MAPKBP1: variants seen among roughly 807,000 people sequenced by gnomAD.
MAPKBP1 encodes the protein mitogen-activated protein kinase-binding protein 1.
In MAPKBP1, 71 loss-of-function variants were observed where a neutral mutation model predicts 170.5. The ratio of observed to expected loss-of-function variants is 0.42; its 90% confidence interval spans 0.34 to 0.51. The LOEUF is 0.51. Among genes scored for constraint, MAPKBP1 ranks in the 20% least tolerant of loss-of-function variants. The pLI, the probability that MAPKBP1 is intolerant of heterozygous loss-of-function variation, is 0.06. For missense variants in MAPKBP1, 1,598 were observed against 1,933.0 expected (o/e 0.83, Z 3.25); for synonymous variants, 719 against 757.9 (o/e 0.95, Z 0.84).
At chr15:41,792,836 G>A (rs760238906) in intron 2 of MAPKBP1, among the ~76,000 whole-genome samples, 1 of 152,098 alleles carries the variant, frequency 6.6e-6, no homozygotes, top group Non-Finnish European at 1.5e-5. Flanking sequence ...TTCTTCAAGC[G>A]ATCCTTGAGG....
intron 2 of MAPKBP1, among the ~76,000 whole-genome samples, chr15:41,796,551 C>T (rs1294094500): frequency 6.6e-6 from 1 of 152,128 alleles, no homozygotes; most frequent in Non-Finnish European, 1.5e-5. Context: ...AGCTGATGCC[C>T]CTGAATGTTT....
chr15:41,801,964 T>A (rs1054349521), intron 3 of MAPKBP1, among the ~76,000 whole-genome samples: 6 of 152,202 alleles, frequency 3.9e-5, no homozygotes, highest in Non-Finnish European at 7.3e-5. Context: ...GTTTCGTTGT[T>A]GAGTGAACAT....
Position 41,810,803 on chromosome 15 carries a change from C to T in MAPKBP1, c.207-80C>T, listed in dbSNP as rs2064791522. The T allele has an allele frequency of 6.1e-6, 7 of 1,152,616 alleles. No homozygotes were observed. The South Asian group carries it at 7.6e-5, about 13-fold the overall frequency. The allele number at this position is 1,152,616 out of a possible 1,614,324, so 71.4% of individuals were successfully genotyped here. A position where few individuals can be genotyped will look rare whatever the true frequency, so the allele number is the denominator to read the frequency against. On this transcript the variant is annotated intron_variant, in intron 3 of 30. Coordinates refer to ENST00000457542, the MANE Select transcript of MAPKBP1 (RefSeq NM_014994.3). ...CTACCCAGCTCCCTCTGCCGGGTGA[C>T]TGGAAGTCCTGGGTGGCCTGGAGGG...
Position 41,824,531 on chromosome 15 carries a change from C to T in MAPKBP1, c.4261C>T (p.Arg1421Cys), listed in dbSNP as rs369279683. 33 of 1,603,246 alleles carry T rather than the reference C, an allele frequency of 2.1e-5. No individual in the cohort carries two copies. The highest frequency in any genetic ancestry group is 2.4e-5 in the Non-Finnish European group (28 of 1,175,764). The change falls in exon 30 of 31, where the codon CGC becomes TGC. Residue 1421 changes from arginine (R) to cysteine (C), a missense_variant. Physicochemically the swap from Arg to Cys is radical, Grantham distance 180 (BLOSUM62 -3). Coordinates refer to ENST00000457542, the MANE Select transcript of MAPKBP1 (RefSeq NM_014994.3). The stretch of plus-strand genomic sequence containing the variant: ...GTGTGAGCAGCTGGTGGCAGAGCTC[C>T]GCGGCAGCGTGCGCCAGGCAGTGCG... The part of the protein sequence containing the change: ...EQCEQLVAEL[R>C]GSVRQAVRLY...
Position 41,818,675 on chromosome 15 carries a change from A to G in MAPKBP1, c.2156+93A>G, listed in dbSNP as rs976720436. ...CTCCATTTCAGTGATGTCTCTGGGA[A>G]GTGGGGTTAACAGGGATAGCTTTTG... On this transcript the variant is annotated intron_variant, in intron 19 of 30. Transcript: ENST00000457542. The surrounding 1 kb of genome is among the most constrained non-coding windows in gnomAD (Gnocchi z 5.2). The G allele has an allele frequency of 1.1e-4, 158 of 1,503,556 alleles. No individual in the cohort carries two copies. Among genetic ancestry groups the G allele is most frequent in the Non-Finnish European group, 1.4e-4 (151 of 1,101,204 alleles). The allele number at this position is 1,503,556 out of a possible 1,614,324, so 93.1% of individuals were successfully genotyped here.
intron 2 of MAPKBP1, among the ~76,000 whole-genome samples, chr15:41,796,527 A>G (rs1298898055): frequency 6.6e-6 from 1 of 152,200 alleles, no homozygotes; most frequent in Admixed American, 6.5e-5. Flanking sequence ...AGTTAAGAAC[A>G]TAAAATAAAA....
chr15:41,820,291 G>A (rs2064972951), intron 22 of MAPKBP1, among the ~76,000 whole-genome samples: 1 of 152,130 alleles, frequency 6.6e-6, no homozygotes, highest in South Asian at 2.1e-4. Context: ...TCTCAGGCCT[G>A]GGCTATAGGT....
chr15:41,816,361 C>T (rs2064890865), intron 12 of MAPKBP1, 198 bp from the exon 13 acceptor site: 1 of 560,460 alleles, frequency 1.8e-6, no homozygotes, highest in South Asian at 2.5e-5. Context: ...GATAATTGCA[C>T]TATCGTTATG....
intron 23 of MAPKBP1, 46 bp from the exon 24 acceptor site, chr15:41,821,538 T>C (rs1232747634): frequency 2.0e-5 from 32 of 1,582,158 alleles, no homozygotes; most frequent in Non-Finnish European, 2.8e-5. Context: ...TACCACTGCC[T>C]CATCTGTCAC....
intron 2 of MAPKBP1, among the ~76,000 whole-genome samples, chr15:41,783,781 G>A (rs998077297): frequency 3.9e-5 from 6 of 152,258 alleles, no homozygotes; most frequent in South Asian, 4.2e-4. Flanking sequence ...AGGCCGAGGC[G>A]GGTGGATCAC....
chr15:41,776,416 T>G (rs2064098960), intron 2 of MAPKBP1, among the ~76,000 whole-genome samples: 1 of 152,198 alleles, frequency 6.6e-6, no homozygotes, highest in Admixed American at 6.5e-5. Context: ...AGCAGAACTT[T>G]GAGTAGATTT....
At chr15:41,781,499 C>T (rs955894870) in intron 2 of MAPKBP1, among the ~76,000 whole-genome samples, 10 of 151,664 alleles carry the variant, frequency 6.6e-5, no homozygotes, top group African/African-American at 1.9e-4. Flanking sequence ...CCTGCTATGC[C>T]GGGCATGGTG....
At chr15:41,777,276 G>C (rs1233975730) in intron 2 of MAPKBP1, among the ~76,000 whole-genome samples, 2 of 151,846 alleles carry the variant, frequency 1.3e-5, no homozygotes, top group African/African-American at 4.8e-5. Context: ...GGGAGGCTGA[G>C]GTTGCAGTGA....
intron 5 of MAPKBP1, 164 bp downstream of exon 5, chr15:41,811,399 T>A: frequency 1.3e-6 from 1 of 753,570 alleles, no homozygotes. Context: ...TTAGTGTACA[T>A]CAGAATCACT....
At chr15:41,795,588 A>G (rs1400074009) in intron 2 of MAPKBP1, among the ~76,000 whole-genome samples, 1 of 151,910 alleles carries the variant, frequency 6.6e-6, no homozygotes, top group Non-Finnish European at 1.5e-5. Flanking sequence ...TTTATATTAT[A>G]TTTTATTTTT....
At chr15:41,797,643 G>A (rs1026047364) in intron 2 of MAPKBP1, among the ~76,000 whole-genome samples, 3 of 152,224 alleles carry the variant, frequency 2.0e-5, no homozygotes, top group African/African-American at 7.2e-5. Context: ...TATCAAGAAT[G>A]TATAGAGAAG....
In MAPKBP1 at chr15:41,819,295, A is replaced by G. The variant is rs1489648594; in HGVS notation, c.2341A>G (p.Ser781Gly). 4 of 1,614,084 alleles carry G rather than the reference A, an allele frequency of 2.5e-6. No individual in the cohort carries two copies. In the East Asian group the frequency reaches 8.9e-5, roughly 36 times the overall value. Residue 781 changes from serine (S) to glycine (G), a missense_variant, in exon 21 of 31, where the codon AGT becomes GGT. Around this residue, in one of 6 missense-constraint regions of MAPKBP1, gnomAD observed 942 missense variants for 953.2 expected, o/e 0.99. Transcript: ENST00000457542. The stretch of plus-strand genomic sequence containing the variant: ...TCCTGGACCGGCTCTCTCATCAGAC[A>G]GTGACAAGGAGGGAGAAGATGAGGG... The part of the protein sequence containing the change: ...LSPGPALSSD[S>G]DKEGEDEGTE...
At position 41,812,972 on chromosome 15, in the gene MAPKBP1, G is replaced by A; in HGVS notation, c.690G>A (p.Arg230=). 6.2e-7 allele frequency: 1 copy of A among 1,613,574 alleles called. No individual in the cohort carries two copies. Among genetic ancestry groups the A allele is most frequent in the South Asian group, 1.1e-5 (1 of 91,020 alleles). ...LGRSGLLGEL[R]NNLFTDVACG... The stretch of plus-strand genomic sequence containing the variant: ...GCTCAGGGCTGCTGGGAGAGCTACG[G>A]AACAACCTATTCACTGATGTGGCCT... Residue 230 remains arginine, a synonymous_variant, in exon 8 of 31, where the codon CGG becomes CGA. Transcript: ENST00000457542.
At chr15:41,822,450 C>T (rs1377030450) in intron 26 of MAPKBP1, 28 bp downstream of exon 26, 4 of 1,609,450 alleles carry the variant, frequency 2.5e-6, no homozygotes, top group Non-Finnish European at 3.4e-6. Context: ...GCATTTAGTG[C>T]CTGCAATTTG....
Sources: gnomAD v4.1 joint callset for allele counts (sites outside exome capture counted in the v4.1 genomes callset) on GRCh38, gnomAD v4.1.1 for gene constraint, gnomAD v4.1.1 regional missense constraint, Gnocchi (gnomAD v3.1) non-coding constraint, MANE v1.5 for transcripts, NCBI Gene and HGNC (gene_info 2026-07-23, HGNC 2026-07-21) for gene names.